LMNTD1: variants seen among roughly 807,000 people sequenced by gnomAD.
The protein encoded by LMNTD1 is lamin tail domain-containing protein 1.
LMNTD1 carries 35 observed loss-of-function variants against 50.9 expected under a neutral mutation model. The observed-to-expected ratio is 0.69, with a 90% CI of 0.53 to 0.91. LMNTD1 has a LOEUF of 0.91. Ranked by LOEUF, LMNTD1 falls within the 40% of genes least tolerant of loss-of-function variation. LMNTD1 has a pLI of 0.00. For synonymous variants in LMNTD1, 153 were observed against 161.9 expected (o/e 0.94, Z 0.42); for missense variants, 470 against 475.5 (o/e 0.99, Z 0.11).
At chr12:25,528,814 C>T (rs1200747763) in intron 4 of LMNTD1, among the ~76,000 whole-genome samples, 1 of 152,144 alleles carries the variant, frequency 6.6e-6, no homozygotes, top group Non-Finnish European at 1.5e-5. Flanking sequence ...CTTCCTTTCT[C>T]CTTTAACACC....
At chr12:25,485,134 G>C (rs1408269092) in intron 9 of LMNTD1, among the ~76,000 whole-genome samples, 5 of 147,162 alleles carry the variant, frequency 3.4e-5, no homozygotes, top group African/African-American at 1.3e-4. Context: ...GTGTAAAAGT[G>C]TTCCTGTTTC....
At chr12:25,646,920 T>C (rs1434976817) in intron 1 of LMNTD1, among the ~76,000 whole-genome samples, 1 of 152,214 alleles carries the variant, frequency 6.6e-6, no homozygotes, top group Non-Finnish European at 1.5e-5. Context: ...CTCTATGACA[T>C]GGATCTATTA....
chr12:25,524,568 T>G (rs1323032032), intron 6 of LMNTD1, among the ~76,000 whole-genome samples: 2 of 152,200 alleles, frequency 1.3e-5, no homozygotes, highest in African/African-American at 2.4e-5. Context: ...TCTGTCTGGT[T>G]CAATGCTCAG....
chr12:25,521,999 G>A (rs1333041883), intron 6 of LMNTD1, among the ~76,000 whole-genome samples: 1 of 152,082 alleles, frequency 6.6e-6, no homozygotes, highest in African/African-American at 2.4e-5. Flanking sequence ...CATTCTACTT[G>A]TTCTAGTGAT....
chr12:25,555,250 G>GA (rs755841184), upstream of LMNTD1, among the ~76,000 whole-genome samples: 20 of 152,078 alleles, frequency 1.3e-4, no homozygotes, highest in Non-Finnish European at 2.8e-4. Flanking sequence ...TATCAGTTTG[G>GA]AAAAAATTAC....
At chr12:25,499,620 C>T (rs1445678027) in intron 9 of LMNTD1, among the ~76,000 whole-genome samples, 1 of 152,042 alleles carries the variant, frequency 6.6e-6, no homozygotes, top group Non-Finnish European at 1.5e-5. Context: ...TAAATGTTCA[C>T]ACCCTTCATT....
At chr12:25,543,605 G>A (rs1943239444) in intron 4 of LMNTD1, among the ~76,000 whole-genome samples, 1 of 150,124 alleles carries the variant, frequency 6.7e-6, no homozygotes, top group South Asian at 2.1e-4. Flanking sequence ...GATCTTTATT[G>A]TTTCTTTTCT....
intron 1 of LMNTD1, among the ~76,000 whole-genome samples, chr12:25,601,136 G>T (rs1334553243): frequency 6.6e-6 from 1 of 151,978 alleles, no homozygotes; most frequent in Non-Finnish European, 1.5e-5. Flanking sequence ...ATGAAATCCT[G>T]TCATTTGCAA....
upstream of LMNTD1, among the ~76,000 whole-genome samples, chr12:25,557,718 A>G (rs1269034407): frequency 6.6e-6 from 1 of 152,180 alleles, no homozygotes; most frequent in Non-Finnish European, 1.5e-5. Context: ...CTTTTAATCT[A>G]TCTTATGAAA....
chr12:25,493,028 C>T (rs569490200), intron 9 of LMNTD1, among the ~76,000 whole-genome samples: 1 of 152,298 alleles, frequency 6.6e-6, no homozygotes, highest in South Asian at 2.1e-4. Context: ...TAGCCTGAAA[C>T]ATCTAGCCTG....
intron 9 of LMNTD1, among the ~76,000 whole-genome samples, chr12:25,493,872 T>C (rs139611411): frequency 3.9e-5 from 6 of 152,186 alleles, no homozygotes; most frequent in Admixed American, 1.3e-4. Flanking sequence ...CCCTAAGAAA[T>C]AGGCAGCTCC....
intron 1 of LMNTD1, among the ~76,000 whole-genome samples, chr12:25,645,187 G>A (rs1345876090): frequency 6.6e-6 from 1 of 152,190 alleles, no homozygotes; most frequent in Non-Finnish European, 1.5e-5. Context: ...TGAAGAGTTG[G>A]AGTCTAGCCA....
intron 8 of LMNTD1, among the ~76,000 whole-genome samples, chr12:25,517,346 G>A (rs1940868945): frequency 1.7e-5 from 1 of 57,396 alleles, no homozygotes; most frequent in African/African-American, 4.3e-5. Flanking sequence ...AGAAAATGTG[G>A]CACATATACA....
chr12:25,633,613 A>G (rs1322640750), intron 1 of LMNTD1, among the ~76,000 whole-genome samples: 3 of 152,214 alleles, frequency 2.0e-5, no homozygotes, highest in Non-Finnish European at 4.4e-5. Context: ...TAAATCTAAA[A>G]ATTATTTGAG....
At chr12:25,557,844 C>T (rs1375394846), upstream of LMNTD1, among the ~76,000 whole-genome samples, 1 of 152,154 alleles carries the variant, frequency 6.6e-6, no homozygotes, top group Admixed American at 6.5e-5. Context: ...GTTTCATTTT[C>T]TTCTATCATA....
intron 9 of LMNTD1, among the ~76,000 whole-genome samples, chr12:25,481,368 C>G (rs1437592590): frequency 6.6e-6 from 1 of 151,976 alleles, no homozygotes; most frequent in Non-Finnish European, 1.5e-5. Flanking sequence ...TGTTTCTTGC[C>G]CTTGGCACCA....
At position 25,502,741 on chromosome 12, in the gene LMNTD1, T is replaced by C. The variant is rs183578172; in HGVS notation, c.*22+997A>G. Among the ~76,000 whole-genome samples the C allele has an allele frequency of 1.2e-3, 190 of 152,320 alleles. 3 individuals are homozygous for C. The highest frequency in any genetic ancestry group is 0.01 in the South Asian group (50 of 4,824). On this transcript the variant is annotated intron_variant, in intron 9 of 9. Transcript: ENST00000458174. Reference sequence around the variant, plus strand: ...GGAAGTTGGCAGTTCAAGGATATGATGCTATAGGAATGGAGAGAGTGGGCT... The same window carrying C: ...GGAAGTTGGCAGTTCAAGGATATGACGCTATAGGAATGGAGAGAGTGGGCT...
chr12:25,532,691 G>A (rs956226371), intron 4 of LMNTD1, among the ~76,000 whole-genome samples: 1 of 151,902 alleles, frequency 6.6e-6, no homozygotes, highest in Non-Finnish European at 1.5e-5. Flanking sequence ...TTTTTACAGA[G>A]GTTCACTTTT....
intron 1 of LMNTD1, among the ~76,000 whole-genome samples, chr12:25,576,082 G>T (rs1463022955): frequency 6.6e-6 from 1 of 152,156 alleles, no homozygotes; most frequent in Non-Finnish European, 1.5e-5. Flanking sequence ...TCTTAATCCA[G>T]TCTATCATTG....
Sources: gnomAD v4.1 joint callset for allele counts (sites outside exome capture counted in the v4.1 genomes callset) on GRCh38, gnomAD v4.1.1 for gene constraint, MANE v1.5 for transcripts, NCBI Gene and HGNC (gene_info 2026-07-23, HGNC 2026-07-21) for gene names.